TAB3: variants seen among roughly 807,000 people sequenced by gnomAD.
TAB3 encodes TGF-beta-activated kinase 1 and MAP3K7-binding protein 3.
TAB3 carries 18 observed loss-of-function variants against 48.1 expected under a neutral mutation model. The ratio of observed to expected loss-of-function variants is 0.37; its 90% CI spans 0.26 to 0.55. TAB3 has a LOEUF of 0.55. Ranked by LOEUF, TAB3 falls within the 20% of genes least tolerant of loss-of-function variation. The pLI is 0.78. For synonymous variants in TAB3, 185 were observed against 190.2 expected (o/e 0.97, Z 0.22); for missense variants, 414 against 549.8 (o/e 0.75, Z 2.47).
intron 9 of TAB3, chrX:30,836,086 G>A (rs892601131): frequency 1.8e-5 from 2 of 112,004 alleles, no homozygotes; most frequent in Non-Finnish European, 3.8e-5. Context: ...TTGATTTTAT[G>A]GAGAAAACTG....
chrX:30,838,069 T>C (rs1236087260), intron 9 of TAB3, among the ~76,000 whole-genome samples: 2 of 112,127 alleles, frequency 1.8e-5, no homozygotes, highest in African/African-American at 6.5e-5. Context: ...GTGGTTATTG[T>C]AGCTTTATAG....
At chrX:30,836,468 T>G (rs1316031095) in intron 9 of TAB3, 1 of 111,835 alleles carries the variant, frequency 8.9e-6, no homozygotes, top group African/African-American at 3.3e-5. Flanking sequence ...TTTAAGAAAT[T>G]TTAACCGAAA....
intron 9 of TAB3, among the ~76,000 whole-genome samples, chrX:30,837,050 T>C (rs1040207988): frequency 8.6e-5 from 8 of 93,008 alleles, no homozygotes; most frequent in Non-Finnish European, 1.3e-4. Context: ...TCTTTTTTTT[T>C]TTTTTTTTTT....
At chrX:30,849,116 C>T (rs1395630073) in intron 7 of TAB3, among the ~76,000 whole-genome samples, 1 of 112,088 alleles carries the variant, frequency 8.9e-6, no homozygotes, top group Non-Finnish European at 1.9e-5. Flanking sequence ...TTTAGCTGGT[C>T]AACACTTCTG....
Position 30,852,758 on chromosome X carries a change from C to T in TAB3, c.1710+20G>A, listed in dbSNP as rs1938904347. On this transcript the variant is annotated intron_variant, in intron 7 of 10. Coordinates refer to ENST00000288422, the MANE Select transcript of TAB3 (RefSeq NM_152787.5). ...CAATATCCCGACCCTCCTATTAACA[C>T]ATCCTAACAGATCACTTACCGTAGG... is the stretch of plus-strand genomic sequence containing the variant. The T allele has an allele frequency of 8.3e-7, 1 of 1,202,561 alleles. No homozygotes were observed. The highest frequency in any genetic ancestry group is 1.8e-5 in the African/African-American group (1 of 57,019).
At chrX:30,836,954 C>T (rs12840578) in intron 9 of TAB3, 51,479 of 108,433 alleles carry the variant, frequency 0.47, 10,156 homozygotes, top group Non-Finnish European at 0.61. Flanking sequence ...AAGCCTTATT[C>T]AATGCCCAGC....
intron 8 of TAB3, chrX:30,844,426 T>C (rs1430618051): frequency 1.8e-5 from 2 of 112,419 alleles, no homozygotes; most frequent in Non-Finnish European, 3.8e-5. Flanking sequence ...ACAGTGCTAT[T>C]TGATGTATTA....
chrX:30,864,363 CA>C (rs1939339734), intron 4 of TAB3, among the ~76,000 whole-genome samples: 1 of 112,324 alleles, frequency 8.9e-6, no homozygotes, highest in Non-Finnish European at 1.9e-5. Flanking sequence ...AAAGGCAAGA[CA>C]GACTATGGGG....
chrX:30,873,592 G>T (rs1300235947), intron 1 of TAB3, among the ~76,000 whole-genome samples: 7 of 107,630 alleles, frequency 6.5e-5, no homozygotes, highest in African/African-American at 2.4e-4. Context: ...CCCTTTTTCT[G>T]CCTCTGCCAT....
chrX:30,833,009 T>C (rs545649037), intron 10 of TAB3, among the ~76,000 whole-genome samples: 4 of 106,920 alleles, frequency 3.7e-5, no homozygotes, highest in South Asian at 4.4e-4. Context: ...CTTGCTCTGT[T>C]GCCCAGGCTG....
At chrX:30,881,707 T>A (rs1940003860) in intron 1 of TAB3, among the ~76,000 whole-genome samples, 1 of 111,900 alleles carries the variant, frequency 8.9e-6, no homozygotes, top group South Asian at 3.7e-4. Context: ...ACAACTAGAT[T>A]TACACATCTA....
intron 9 of TAB3, among the ~76,000 whole-genome samples, chrX:30,838,107 CT>C (rs920429373): frequency 9.0e-6 from 1 of 110,774 alleles, no homozygotes; most frequent in Non-Finnish European, 1.9e-5. Context: ...TAGTCTAAGA[CT>C]TTTTTTTCCT....
chrX:30,839,081 T>C (rs780473358), intron 9 of TAB3, among the ~76,000 whole-genome samples: 1 of 111,462 alleles, frequency 9.0e-6, no homozygotes, highest in African/African-American at 3.3e-5. Context: ...TTGTTCCCAA[T>C]GTTGGTAAGT....
In TAB3 at chrX:30,888,432, T is replaced by C. The variant is rs1940191297; in HGVS notation, c.-383+682A>G. Among the ~76,000 whole-genome samples, 6 of 112,390 alleles carry C rather than the reference T, an allele frequency of 5.3e-5. No individual in the cohort carries two copies. The Admixed American group carries it at 5.6e-4, about 11-fold the overall frequency. ...AACACATTAACAAACTTTGGATCTT[T>C]TTATGCAGCTTACTTTATGCCTCAC... On this transcript the variant is annotated intron_variant, in intron 1 of 10. Coordinates refer to ENST00000288422, the MANE Select transcript of TAB3 (RefSeq NM_152787.5).
chrX:30,846,223 T>TATCA (rs1367465552), intron 8 of TAB3: 2 of 345,169 alleles, frequency 5.8e-6, no homozygotes, highest in East Asian at 9.5e-5. Flanking sequence ...TTTAGATGTC[T>TATCA]ATCACATAAT....
chrX:30,839,821 G>A (rs1170931922), intron 9 of TAB3, among the ~76,000 whole-genome samples: 1 of 106,787 alleles, frequency 9.4e-6, no homozygotes, highest in Non-Finnish European at 1.9e-5. Flanking sequence ...ATATTTGGTG[G>A]AATTTACCCA....
rs1267008119 is a variant in TAB3, at chrX:30,865,402, G to A, written c.-91+1713C>T. Among the ~76,000 whole-genome samples the A allele has an allele frequency of 3.6e-5, 4 of 112,307 alleles. No individual in the cohort carries two copies. In the East Asian group the frequency reaches 1.1e-3, roughly 31 times the overall value. ...ATCATTAATTTTTCTGGTTGGTCTG[G>A]TCCAGTAATAATTGTTGAACAAAAC... On this transcript the variant is annotated intron_variant, in intron 4 of 10. Transcript: ENST00000288422.
chrX:30,876,911 G>C (rs1434238077), intron 1 of TAB3, among the ~76,000 whole-genome samples: 1 of 111,429 alleles, frequency 9.0e-6, no homozygotes, highest in East Asian at 2.8e-4. Context: ...AAGATACAGT[G>C]AGAAAGGTCT....
At chrX:30,876,737 T>G (rs1185136974) in intron 1 of TAB3, among the ~76,000 whole-genome samples, 1 of 111,189 alleles carries the variant, frequency 9.0e-6, no homozygotes, top group East Asian at 2.8e-4. Context: ...CAGCAGATTT[T>G]TAAAAGAAGC....
Sources: gnomAD v4.1 joint callset for allele counts (sites outside exome capture counted in the v4.1 genomes callset) on GRCh38, gnomAD v4.1.1 for gene constraint, MANE v1.5 for transcripts, NCBI Gene and HGNC (gene_info 2026-07-23, HGNC 2026-07-21) for gene names.